CMTM2: variants seen among roughly 807,000 people sequenced by gnomAD.
CMTM2 encodes the protein CKLF-like MARVEL transmembrane domain-containing protein 2.
In CMTM2, 15 loss-of-function variants were observed where a neutral mutation model predicts 16.8. The ratio of observed to expected loss-of-function variants is 0.89; its 90% CI spans 0.60 to 1.37. The LOEUF (loss-of-function observed/expected upper bound fraction) is 1.37. CMTM2 is among the 40% of genes most tolerant of loss of function. The probability of loss-of-function intolerance (pLI) is 0.00; values close to 1 mark genes in which losing one functional copy is unlikely to be tolerated. For missense variants in CMTM2, 282 were observed against 318.0 expected (o/e 0.89, Z 0.86); for synonymous variants, 117 against 118.7 (o/e 0.99, Z 0.09).
rs1424479037 is a variant in CMTM2 at position 66,579,807 on chromosome 16, G to A, written c.200G>A (p.Gly67Glu). 2 of 1,613,718 alleles carry A rather than the reference G, an allele frequency of 1.2e-6. No individual in the cohort carries two copies. Among genetic ancestry groups the A allele is most frequent in the East Asian group, 4.5e-5 (2 of 44,882 alleles). ...AAGCACGAAGTGGGCACGAGGAGGG[G>A]GTGTCGCCGCTACCGGTGGGAATTA... is the stretch of plus-strand genomic sequence containing the variant. ...QPKHEVGTRR[G>E]CRRYRWELKD... Residue 67 changes from glycine to glutamate, a missense_variant, in exon 1 of 4, where the codon GGG becomes GAG. Physicochemically the swap from Gly to Glu is moderately conservative, Grantham distance 98. Transcript: ENST00000268595. The surrounding 1 kb of genome is among the most constrained non-coding windows in gnomAD (Gnocchi z 6.5).
intron 2 of CMTM2, among the ~76,000 whole-genome samples, chr16:66,585,787 A>G (rs969026368): frequency 1.3e-5 from 2 of 152,158 alleles, no homozygotes; most frequent in Non-Finnish European, 2.9e-5. Context: ...AGGATGTTCT[A>G]TTATTTTCTG....
At position 66,580,274 on chromosome 16, in the gene CMTM2, C is replaced by T. The variant is rs1208471392; in HGVS notation, c.444+90C>T. 22 of 1,357,532 alleles carry T rather than the reference C, an allele frequency of 1.6e-5. No homozygotes were observed. The Admixed American group carries it at 1.7e-4, about 11-fold the overall frequency. The allele number at this position is 1,357,532 out of a possible 1,614,324, so 84.1% of individuals were successfully genotyped here. ...GAAAGTCACCAAACAGAGAGACACA[C>T]CTCACCTCCCATATCTGTGCCTGGG... On this transcript the variant is annotated intron_variant, in intron 2 of 3. Transcript: ENST00000268595.
chr16:66,579,489 G>A lies in CMTM2; in HGVS notation c.-119G>A. On this transcript the variant is annotated 5_prime_UTR_variant, in exon 1 of 4. Coordinates refer to ENST00000268595, the MANE Select transcript of CMTM2 (RefSeq NM_144673.3). This position sits in a 1 kb window ranked among gnomAD's most constrained non-coding sequence, Gnocchi z 6.5. ...TTCGGTGGTCCTGGCAGTTAGCTGA[G>A]CACGCCCTCTGAGCCGCTCGGTGGA... 1 of 1,273,124 alleles carries A rather than the reference G, an allele frequency of 7.9e-7. No homozygotes were observed. The highest frequency in any genetic ancestry group is 1.1e-6 in the Non-Finnish European group (1 of 922,964). The allele number at this position is 1,273,124 out of a possible 1,614,324, so 78.9% of individuals were successfully genotyped here.
At chr16:66,582,920 C>T (rs1234114471) in intron 2 of CMTM2, among the ~76,000 whole-genome samples, 1 of 152,048 alleles carries the variant, frequency 6.6e-6, no homozygotes, top group Admixed American at 6.6e-5. Flanking sequence ...CTATCCAAAC[C>T]TGCACAAATT....
At chr16:66,580,347 C>G (rs1386733459) in intron 2 of CMTM2, 163 bp downstream of exon 2, 1 of 705,882 alleles carries the variant, frequency 1.4e-6, no homozygotes, top group East Asian at 2.6e-5. Flanking sequence ...CAGCTGGGTG[C>G]AAGAGGGGTA....
chr16:66,579,808 G>C lies in CMTM2; in HGVS notation c.201G>C (p.Gly67=). Residue 67 remains glycine (G), a synonymous_variant, in exon 1 of 4, where the codon GGG becomes GGC. Coordinates refer to ENST00000268595, the MANE Select transcript of CMTM2 (RefSeq NM_144673.3). The surrounding 1 kb of genome is among the most constrained non-coding windows in gnomAD (Gnocchi z 6.5). The part of the protein sequence containing the change: ...QPKHEVGTRR[G]CRRYRWELKD... ...AGCACGAAGTGGGCACGAGGAGGGG[G>C]TGTCGCCGCTACCGGTGGGAATTAA... 1.2e-6 allele frequency: 2 copies of C among 1,613,842 alleles called. No homozygotes were observed. The highest frequency in any genetic ancestry group is 1.3e-5 in the African/African-American group (1 of 74,854).
At chr16:66,585,888 T>C (rs1807554448) in intron 2 of CMTM2, among the ~76,000 whole-genome samples, 1 of 152,162 alleles carries the variant, frequency 6.6e-6, no homozygotes, top group Non-Finnish European at 1.5e-5. Flanking sequence ...GAAATGGCAC[T>C]ATAGAAACCA....
At chr16:66,587,172 T>C (rs2014803437) in intron 3 of CMTM2, 74 bp downstream of exon 3, 1 of 1,195,826 alleles carries the variant, frequency 8.4e-7, no homozygotes, top group African/African-American at 1.5e-5. Context: ...TGTCCTCTGT[T>C]TAAGGAAAGG....
At chr16:66,587,287 G>C (rs970704904) in intron 3 of CMTM2, among the ~76,000 whole-genome samples, 189 bp downstream of exon 3, 1 of 152,202 alleles carries the variant, frequency 6.6e-6, no homozygotes, top group Non-Finnish European at 1.5e-5. Flanking sequence ...TTGGGAGGCC[G>C]AGGCGGGCGG....
chr16:66,582,272 G>A, intron 2 of CMTM2, among the ~76,000 whole-genome samples: 1 of 152,198 alleles, frequency 6.6e-6, no homozygotes, highest in Non-Finnish European at 1.5e-5. Flanking sequence ...GTCAATAGAT[G>A]AATTCAAAAA....
chr16:66,583,309 T>C (rs1352185561), intron 2 of CMTM2, among the ~76,000 whole-genome samples: 2 of 152,056 alleles, frequency 1.3e-5, no homozygotes, highest in African/African-American at 2.4e-5. Context: ...CTGGCCAACA[T>C]GGTGAAACAC....
chr16:66,587,570 A>AG (rs1277969352), intron 3 of CMTM2, among the ~76,000 whole-genome samples: 1 of 152,136 alleles, frequency 6.6e-6, no homozygotes, highest in African/African-American at 2.4e-5. Context: ...GGAAAAAAAA[A>AG]AAAAGTAAAG....
chr16:66,584,227 T>C (rs2014766291), intron 2 of CMTM2, among the ~76,000 whole-genome samples: 1 of 152,168 alleles, frequency 6.6e-6, no homozygotes, highest in South Asian at 2.1e-4. Flanking sequence ...AGAGACAGCG[T>C]TTTGCCATGT....
At chr16:66,580,301 C>A in intron 2 of CMTM2, 117 bp downstream of exon 2, 1 of 1,153,154 alleles carries the variant, frequency 8.7e-7, no homozygotes, top group South Asian at 1.4e-5. Context: ...GTGCCTGGGT[C>A]AGGGACTCAG....
intron 2 of CMTM2, among the ~76,000 whole-genome samples, chr16:66,586,657 GAAAATA>G (rs2014796587): frequency 6.6e-6 from 1 of 152,048 alleles, no homozygotes; most frequent in Non-Finnish European, 1.5e-5. Flanking sequence ...TCAAAAAGTA[GAAAATA>G]AAAATAATAA....
In CMTM2 at chr16:66,587,010, AC is replaced by A; in HGVS notation, c.460del (p.Leu154Ter). On this transcript the variant is annotated frameshift_variant, in exon 3 of 4. Transcript: ENST00000268595. LOFTEE classifies it high-confidence loss of function. Reference protein sequence around the residue: ...ILWPISDLFNDLIACAFLVGA... With the variant: ...ILWPISDLFNXLIACAFLVGA... ...CTCCACCTTCAGGACCTCTTCAACG[AC>A]CTGATTGCTTGTGCGTTCCTTGTGG... The A allele has an allele frequency of 6.2e-7, 1 of 1,613,856 alleles. No homozygotes were observed. Among genetic ancestry groups the A allele is most frequent in the Non-Finnish European group, 8.5e-7 (1 of 1,179,904 alleles).
intron 2 of CMTM2, among the ~76,000 whole-genome samples, chr16:66,582,146 A>G (rs930439466): frequency 5.3e-5 from 8 of 152,244 alleles, no homozygotes; most frequent in African/African-American, 1.9e-4. Context: ...ATATATTTTA[A>G]GGGATTATAG....
chr16:66,579,762 C>A lies in CMTM2; in HGVS notation c.155C>A (p.Pro52His). 1.2e-6 allele frequency: 2 copies of A among 1,614,064 alleles called. No homozygotes were observed. The highest frequency in any genetic ancestry group is 8.5e-7 in the Non-Finnish European group (1 of 1,180,000). Residue 52 changes from proline (P) to histidine (H), a missense_variant, in exon 1 of 4, where the codon CCT becomes CAT. Coordinates refer to ENST00000268595, the MANE Select transcript of CMTM2 (RefSeq NM_144673.3). The surrounding 1 kb of genome is among the most constrained non-coding windows in gnomAD (Gnocchi z 6.5). ...GACCATAAGGAGCCATCGGACAAAC[C>A]TCAAAAGGCGGTGCAGCCCAAGCAC... ...VQDHKEPSDK[P>H]QKAVQPKHEV...
rs577701143 is a variant in CMTM2 at position 66,579,816 on chromosome 16, G to A, written c.209G>A (p.Arg70His). Residue 70 changes from arginine to histidine, a missense_variant, in exon 1 of 4, where the codon CGC (arginine) becomes CAC (histidine). Physicochemically the swap from Arg to His is conservative, Grantham distance 29 (BLOSUM62 0). Transcript: ENST00000268595. This position sits in a 1 kb window ranked among gnomAD's most constrained non-coding sequence, Gnocchi z 6.5. ...GTGGGCACGAGGAGGGGGTGTCGCC[G>A]CTACCGGTGGGAATTAAAAGACAGC... is the stretch of plus-strand genomic sequence containing the variant. Reference protein sequence around the residue: ...HEVGTRRGCRRYRWELKDSNK... With the variant: ...HEVGTRRGCRHYRWELKDSNK... The A allele has an allele frequency of 8.2e-5, 132 of 1,613,804 alleles. 3 individuals are homozygous for A. In the South Asian group the frequency reaches 1.3e-3, roughly 16 times the overall value.
Sources: allele counts gnomAD v4.1 joint callset (sites outside exome capture counted in the v4.1 genomes callset), GRCh38; gene constraint gnomAD v4.1.1; non-coding constraint Gnocchi (gnomAD v3.1); transcripts MANE v1.5; gene names NCBI Gene and HGNC (gene_info 2026-07-23, HGNC 2026-07-21).